Variants in COL6A3 observed in about 807,000 individuals in gnomAD.
The protein encoded by COL6A3 is collagen alpha-3(VI) chain.
A neutral mutation model predicts 274.1 loss-of-function variants in COL6A3; 137 were observed. The observed-to-expected ratio is 0.50, with a 90% confidence interval of 0.44 to 0.58. The LOEUF is 0.58. Ranked by LOEUF, COL6A3 falls within the 20% of genes least tolerant of loss-of-function variation. The pLI is 0.00. For missense variants in COL6A3, 3,950 were observed against 4,124.9 expected (o/e 0.96, Z 1.16); for synonymous variants, 1,650 against 1,650.6 (o/e 1.00, Z 0.01).
rs1181696188 is a variant in COL6A3, at chr2:237,379,218, C to T, written c.1915G>A (p.Asp639Asn). The change falls in exon 6 of 44, where the codon GAT becomes AAT. Residue 639 changes from aspartate (D) to asparagine (N), a missense_variant. Asp to Asn is a conservative substitution (Grantham distance 23). Around this residue, in one of 5 missense-constraint regions of COL6A3, gnomAD observed 1,934 missense variants for 1,984.3 expected, o/e 0.97. Coordinates refer to ENST00000295550, the MANE Select transcript of COL6A3 (RefSeq NM_004369.4). ...GTPEVHSNKR[D>N]IIFLLDGSAN... ...GATCCATCCAAAAGAAAGATGATAT[C>T]CCTTTTGTTTGAGTGAACTGCAGTG... 1 of 1,614,158 alleles carries T rather than the reference C, an allele frequency of 6.2e-7. No individual in the cohort carries two copies. The highest frequency in any genetic ancestry group is 1.7e-5 in the Admixed American group (1 of 60,032).
chr2:237,341,062 G>A lies in COL6A3; in HGVS notation c.7854C>T (p.Ile2618=), dbSNP rs779948294. 18 of 1,614,006 alleles carry A rather than the reference G, an allele frequency of 1.1e-5. No homozygotes were observed. Among genetic ancestry groups the A allele is most frequent in the Admixed American group, 5.0e-5 (3 of 60,012 alleles). The part of the protein sequence containing the change: ...DRRAAGSDVD[I]DMAFILDSAE... ...CGCTGTCTAAGATGAAAGCCATGTC[G>A]ATGTCCACATCGCTCCCTGCCGCTC... The change falls in exon 38 of 44, where the codon ATC becomes ATT. Residue 2618 remains isoleucine (I), a synonymous_variant. Coordinates refer to ENST00000295550, the MANE Select transcript of COL6A3 (RefSeq NM_004369.4).
At chr2:237,389,848 T>C (rs886746151) in intron 3 of COL6A3, among the ~76,000 whole-genome samples, 1 of 152,252 alleles carries the variant, frequency 6.6e-6, no homozygotes, top group Admixed American at 6.5e-5. Context: ...CTTGTGTTTT[T>C]AGTAATTGCC....
intron 42 of COL6A3, chr2:237,330,306 G>A (rs1485129090): frequency 6.6e-6 from 1 of 152,180 alleles, no homozygotes; most frequent in Non-Finnish European, 1.5e-5. Flanking sequence ...CGACAAAGCA[G>A]GTGGCAGAAA....
intron 1 of COL6A3, among the ~76,000 whole-genome samples, chr2:237,400,276 A>G (rs1427335088): frequency 1.3e-5 from 2 of 152,238 alleles, no homozygotes; most frequent in African/African-American, 4.8e-5. Flanking sequence ...CAGATTTTGA[A>G]ATGTGACTTT....
At chr2:237,358,694 T>G in intron 20 of COL6A3, 111 bp from the exon 21 acceptor site, 1 of 1,045,848 alleles carries the variant, frequency 9.6e-7, no homozygotes, top group Non-Finnish European at 1.5e-6. Context: ...TGTTTACAAT[T>G]TACTCATTCA....
chr2:237,333,540 G>C lies in COL6A3; in HGVS notation c.9238C>G (p.Gln3080Glu). The C allele has an allele frequency of 6.2e-7, 1 of 1,614,076 alleles. No individual in the cohort carries two copies. Among genetic ancestry groups the C allele is most frequent in the Non-Finnish European group, 8.5e-7 (1 of 1,179,952 alleles). Reference protein sequence around the residue: ...YHGSFSTKKSQPPPPQPARSA... With the variant: ...YHGSFSTKKSEPPPPQPARSA... ...CTTGCTGGCTGTGGAGGTGGGGGCT[G>C]AGATTTCTCTATAAAAGAAAAATAT... The change falls in exon 42 of 44, where the codon CAG becomes GAG. Residue 3080 changes from glutamine (Q) to glutamate (E), a missense_variant. Around this residue, in one of 5 missense-constraint regions of COL6A3, gnomAD observed 1,284 missense variants for 1,349.7 expected, o/e 0.95. Coordinates refer to ENST00000295550, the MANE Select transcript of COL6A3 (RefSeq NM_004369.4).
Position 237,368,430 on chromosome 2 carries a change from T to C in COL6A3, c.4900+133A>G. 3.5e-6 allele frequency: 4 copies of C among 1,143,476 alleles called. No homozygotes were observed. The highest frequency in any genetic ancestry group is 4.9e-6 in the Non-Finnish European group (4 of 819,734). The allele number at this position is 1,143,476 out of a possible 1,614,324, so 70.8% of individuals were successfully genotyped here. On this transcript the variant is annotated intron_variant, in intron 10 of 43. Coordinates refer to ENST00000295550, the MANE Select transcript of COL6A3 (RefSeq NM_004369.4). This position sits in a 1 kb window ranked among gnomAD's most constrained non-coding sequence, Gnocchi z 4.4. ...TTTCAATGGAACTACTTTTCCAGTA[T>C]TTAATTTCTAATATTATCTGAAGAA...
chr2:237,325,798 A>G, intron 42 of COL6A3, 74 bp from the exon 43 acceptor site: 1 of 1,335,994 alleles, frequency 7.5e-7, no homozygotes, highest in South Asian at 1.2e-5. Flanking sequence ...TGGGGCTGAC[A>G]GTCTGATGAC....
chr2:237,402,787 G>C (rs529398567), intron 1 of COL6A3, among the ~76,000 whole-genome samples: 44 of 152,254 alleles, frequency 2.9e-4, no homozygotes, highest in Non-Finnish European at 4.3e-4. Flanking sequence ...CTGAGCTTTG[G>C]AATCGGCTCC....
intron 27 of COL6A3, among the ~76,000 whole-genome samples, 153 bp from the exon 28 acceptor site, chr2:237,350,362 T>C (rs1266668076): frequency 6.6e-6 from 1 of 152,204 alleles, no homozygotes; most frequent in Admixed American, 6.5e-5. Context: ...GCAACATTCA[T>C]GTGCAAACTC....
Position 237,366,796 on chromosome 2 carries a change from G to A in COL6A3, c.5391C>T (p.Phe1797=). 6.2e-7 allele frequency: 1 copy of A among 1,614,262 alleles called. No individual in the cohort carries two copies. Among genetic ancestry groups the A allele is most frequent in the Non-Finnish European group, 8.5e-7 (1 of 1,180,050 alleles). Residue 1797 remains phenylalanine, a synonymous_variant, in exon 11 of 44, where the codon TTC becomes TTT. Transcript: ENST00000295550. ...GKIASNSATA[F]RVGNVQELSE... is the part of the protein sequence containing the mutation. Reference sequence around the variant, plus strand: ...ACAGCTCCTGGACGTTGCCCACGCGGAACGCTGTGGCGCTGTTGGACGCTA... The same window carrying A: ...ACAGCTCCTGGACGTTGCCCACGCGAAACGCTGTGGCGCTGTTGGACGCTA...
intron 26 of COL6A3, 118 bp from the exon 27 acceptor site, chr2:237,351,310 TC>T: frequency 1.1e-6 from 1 of 890,208 alleles, no homozygotes; most frequent in Non-Finnish European, 1.9e-6. Flanking sequence ...ATGGAACCTG[TC>T]CCACCTGCAA....
In COL6A3 at chr2:237,371,719, G is replaced by A. The variant is rs368338594; in HGVS notation, c.4285+13C>T. 59 of 1,575,076 alleles carry A rather than the reference G, an allele frequency of 3.7e-5. No individual in the cohort carries two copies. The highest frequency in any genetic ancestry group is 4.6e-5 in the South Asian group (4 of 86,576). ...AAATGCTCCAAGGAGAACCTCCGAC[G>A]CCCCCATCTCACCTGGAGGTGGATA... On this transcript the variant is annotated intron_variant, in intron 9 of 43. Transcript: ENST00000295550. The surrounding 1 kb of genome is among the most constrained non-coding windows in gnomAD (Gnocchi z 4.3).
Position 237,365,935 on chromosome 2 carries a change from G to A in COL6A3, c.5601C>T (p.Asn1867=). The change falls in exon 12 of 44, where the codon AAC becomes AAT. Residue 1867 remains asparagine, a synonymous_variant. Transcript: ENST00000295550. ...GFESKVDAIL[N]RISQMHRVSC... is the part of the protein sequence containing the mutation. ...TGACCCTGTGCATCTGGCTGATTCT[G>A]TTCAAGATGGCGTCCACCTTGGACT... 2 of 1,614,158 alleles carry A rather than the reference G, an allele frequency of 1.2e-6. No homozygotes were observed. The highest frequency in any genetic ancestry group is 2.2e-5 in the South Asian group (2 of 91,078).
rs1258358670 is a variant in COL6A3, at chr2:237,365,911, G to C, written c.5625C>G (p.Val1875=). 6.2e-7 allele frequency: 1 copy of C among 1,614,174 alleles called. No individual in the cohort carries two copies. Among genetic ancestry groups the C allele is most frequent in the Admixed American group, 1.7e-5 (1 of 60,024 alleles). The change falls in exon 12 of 44, where the codon GTC becomes GTG. Residue 1875 remains valine, a synonymous_variant. Transcript: ENST00000295550. ...TGGGCGAGCGGCCACCGCTGCAGCT[G>C]ACCCTGTGCATCTGGCTGATTCTGT... ...ILNRISQMHR[V]SCSGGRSPTV...
In COL6A3 at chr2:237,379,190, G is replaced by A. The variant is rs757867999; in HGVS notation, c.1943C>T (p.Ala648Val). The A allele has an allele frequency of 3.1e-6, 5 of 1,614,170 alleles. No homozygotes were observed. In the African/African-American group the frequency reaches 4.0e-5, roughly 13 times the overall value. ...RDIIFLLDGS[A>V]NVGKTNFPYV... Reference sequence around the variant, plus strand: ...AGGGAAATTGGTTTTTCCAACGTTGGCTGATCCATCCAAAAGAAAGATGAT... The same window carrying A: ...AGGGAAATTGGTTTTTCCAACGTTGACTGATCCATCCAAAAGAAAGATGAT... The change falls in exon 6 of 44, where the codon GCC (alanine) becomes GTC (valine). Residue 648 changes from alanine to valine, a missense_variant. Around this residue, in one of 5 missense-constraint regions of COL6A3, gnomAD observed 1,934 missense variants for 1,984.3 expected, o/e 0.97. Transcript: ENST00000295550.
rs774456288 is a variant in COL6A3, at chr2:237,344,412, C to T, written c.7606G>A (p.Ala2536Thr). 6.2e-7 allele frequency: 1 copy of T among 1,614,192 alleles called. No individual in the cohort carries two copies. The highest frequency in any genetic ancestry group is 1.1e-5 in the South Asian group (1 of 91,080). ...GTAAGGAACAAGGGGGTGATCCCCG[C>T]ATCTGAGAGCTTGAGCACAGCCTCT... ...LREAVLKLSD[A>T]GITPLFLTRQ... Residue 2536 changes from alanine (A) to threonine (T), a missense_variant, in exon 36 of 44, where the codon GCG becomes ACG. This residue lies in a region of COL6A3 where 1,284 missense variants were observed against 1,349.7 expected (regional missense o/e 0.95). Coordinates refer to ENST00000295550, the MANE Select transcript of COL6A3 (RefSeq NM_004369.4). The surrounding 1 kb of genome is among the most constrained non-coding windows in gnomAD (Gnocchi z 4.8).
rs762407361 is a variant in COL6A3 at position 237,396,856 on chromosome 2, GA to G, written c.-30-10del. On this transcript the variant is annotated splice_polypyrimidine_tract_variant and intron_variant, in intron 1 of 43. Transcript: ENST00000295550. ...AAGCACCAAATATGAACCTAAAAGA[GA>G]AAACAGGGCAAAGGGAATGATCAGT... 1 of 1,581,702 alleles carries G rather than the reference GA, an allele frequency of 6.3e-7. No homozygotes were observed. Among genetic ancestry groups the G allele is most frequent in the South Asian group, 1.1e-5 (1 of 90,386 alleles).
At chr2:237,395,949 G>A (rs1245831206) in intron 2 of COL6A3, among the ~76,000 whole-genome samples, 2 of 152,190 alleles carry the variant, frequency 1.3e-5, no homozygotes, top group African/African-American at 4.8e-5. Context: ...CCCAGGAGGT[G>A]CCCTTCTGCA....
Sources: allele counts gnomAD v4.1 joint callset (sites outside exome capture counted in the v4.1 genomes callset), GRCh38; gene constraint gnomAD v4.1.1; regional missense constraint gnomAD v4.1.1; non-coding constraint Gnocchi (gnomAD v3.1); transcripts MANE v1.5; gene names NCBI Gene and HGNC (gene_info 2026-07-23, HGNC 2026-07-21).